Variants in SLC4A8 observed in about 807,000 individuals in gnomAD.
SLC4A8 encodes solute carrier family 4 member 8.
SLC4A8 carries 40 observed loss-of-function variants against 125.0 expected under a neutral mutation model. That is an observed-to-expected ratio of 0.32 (90% CI 0.25 to 0.42). The LOEUF (loss-of-function observed/expected upper bound fraction) is 0.42, where lower values mean the gene tolerates loss of function less well. Ranked by LOEUF, SLC4A8 falls within the 10% of genes least tolerant of loss-of-function variation. The pLI is 1.00. For synonymous variants in SLC4A8, 456 were observed against 476.0 expected, an observed-to-expected ratio of 0.96 and a Z score of 0.55; for missense variants, 863 against 1,355.1, an observed-to-expected ratio of 0.64 and a Z score of 5.70.
intron 1 of SLC4A8, among the ~76,000 whole-genome samples, chr12:51,404,624 A>T (rs537279129): frequency 6.6e-6 from 1 of 152,168 alleles, no homozygotes; most frequent in Non-Finnish European, 1.5e-5. Context: ...TAGGGTGGCT[A>T]GTGATCATCT....
chr12:51,488,871 G>T lies in SLC4A8; in HGVS notation c.2448+11G>T. On this transcript the variant is annotated intron_variant, in intron 18 of 24. Transcript: ENST00000453097. Reference sequence around the variant, plus strand: ...GAACATAAGCTCAAGGTAAAAAGAGGTTCTGACCTAGAAGGCTGCTGTGGC... The same window carrying T: ...GAACATAAGCTCAAGGTAAAAAGAGTTTCTGACCTAGAAGGCTGCTGTGGC... The T allele has an allele frequency of 6.2e-7, 1 of 1,607,646 alleles. No individual in the cohort carries two copies. The highest frequency in any genetic ancestry group is 8.5e-7 in the Non-Finnish European group (1 of 1,176,114).
Position 51,462,402 on chromosome 12 carries a change from A to G in SLC4A8, c.1194A>G (p.Pro398=), listed in dbSNP as rs991185975. Reference sequence around the variant, plus strand: ...TAGACCAGGTGACGGTGCTCCCTCCAGGAGAGTGGGATCCCTCCATTAGAA... The same window carrying G: ...TAGACCAGGTGACGGTGCTCCCTCCGGGAGAGTGGGATCCCTCCATTAGAA... ...EFLDQVTVLP[P]GEWDPSIRIE... is the part of the protein sequence containing the mutation. Residue 398 remains proline (P), a synonymous_variant, in exon 10 of 25, where the codon CCA becomes CCG. Transcript: ENST00000453097. 7.5e-6 allele frequency: 12 copies of G among 1,607,232 alleles called. No individual in the cohort carries two copies. The highest frequency in any genetic ancestry group is 1.0e-5 in the Non-Finnish European group (12 of 1,177,984).
chr12:51,430,253 A>G (rs1485882606), intron 1 of SLC4A8, among the ~76,000 whole-genome samples: 1 of 152,062 alleles, frequency 6.6e-6, no homozygotes. Flanking sequence ...AAGCTCTAAG[A>G]CAAGAGTTCT....
intron 2 of SLC4A8, among the ~76,000 whole-genome samples, chr12:51,442,806 G>A (rs1309879664): frequency 6.6e-6 from 1 of 152,174 alleles, no homozygotes; most frequent in Non-Finnish European, 1.5e-5. Flanking sequence ...GGTTGGCTGT[G>A]CTGTGGGTTC....
chr12:51,395,503 T>C, intron 1 of SLC4A8, among the ~76,000 whole-genome samples: 1 of 152,168 alleles, frequency 6.6e-6, no homozygotes, highest in Non-Finnish European at 1.5e-5. Context: ...CAAAGGCAGC[T>C]CTGTGAGGCC....
intron 17 of SLC4A8, 70 bp from the exon 18 acceptor site, chr12:51,488,629 A>T: frequency 9.1e-7 from 1 of 1,093,438 alleles, no homozygotes; most frequent in Non-Finnish European, 1.3e-6. Flanking sequence ...GGATATTGTG[A>T]TCCAGTTTGA....
intron 1 of SLC4A8, among the ~76,000 whole-genome samples, chr12:51,407,218 A>G (rs1269598762): frequency 1.3e-5 from 2 of 151,986 alleles, no homozygotes; most frequent in African/African-American, 4.8e-5. Flanking sequence ...TACCACTAAT[A>G]CTGTTGCATT....
At chr12:51,395,574 A>C (rs975161165) in intron 1 of SLC4A8, among the ~76,000 whole-genome samples, 1 of 152,150 alleles carries the variant, frequency 6.6e-6, no homozygotes, top group African/African-American at 2.4e-5. Context: ...TGGTGAGGGG[A>C]TACCCACCTC....
intron 1 of SLC4A8, among the ~76,000 whole-genome samples, chr12:51,406,158 G>A (rs1008490736): frequency 3.3e-5 from 5 of 152,218 alleles, no homozygotes; most frequent in East Asian, 1.9e-4. Context: ...TTACTTCTGC[G>A]TAAGTGGGGT....
intron 18 of SLC4A8, 96 bp from the exon 19 acceptor site, chr12:51,489,604 C>G (rs1019470562): frequency 8.7e-6 from 13 of 1,489,192 alleles, no homozygotes; most frequent in Non-Finnish European, 1.1e-5. Flanking sequence ...TATCCATACA[C>G]CCCTTCATGC....
intron 1 of SLC4A8, among the ~76,000 whole-genome samples, chr12:51,402,641 G>C (rs1948413299): frequency 1.3e-5 from 2 of 152,118 alleles, no homozygotes; most frequent in Admixed American, 6.6e-5. Flanking sequence ...AGAATCTTTT[G>C]AACCTGGGAG....
chr12:51,490,858 A>G (rs77551447), intron 19 of SLC4A8, among the ~76,000 whole-genome samples: 2,152 of 152,254 alleles, frequency 0.014, 55 homozygotes, highest in African/African-American at 0.049. Flanking sequence ...GTTTAAAAAG[A>G]TCACTCTGGC....
chr12:51,461,994 A>T (rs983120785), intron 9 of SLC4A8: 14 of 204,878 alleles, frequency 6.8e-5, no homozygotes, highest in African/African-American at 2.4e-4. Flanking sequence ...GCTGATTAAA[A>T]TTTTTTTTTT....
In SLC4A8 at chr12:51,497,091, G is replaced by A. The variant is rs1455661543; in HGVS notation, c.3048G>A (p.Leu1016=). 1.9e-6 allele frequency: 3 copies of A among 1,613,416 alleles called. No individual in the cohort carries two copies. Among genetic ancestry groups the A allele is most frequent in the Non-Finnish European group, 2.5e-6 (3 of 1,179,876 alleles). ...TGCCTGAAAGCAAAAAGAAGAAGTT[G>A]GATGATGCCAAAAAGAAGGCCAAGG... ...DLMPESKKKK[L]DDAKKKAKEE... Residue 1016 remains leucine, a synonymous_variant, in exon 22 of 25, where the codon TTG becomes TTA. Coordinates refer to ENST00000453097, the MANE Select transcript of SLC4A8 (RefSeq NM_001039960.3).
Position 51,417,101 on chromosome 12 carries a change from C to CA in SLC4A8, c.-111-23596dup, listed in dbSNP as rs36051030. On this transcript the variant is annotated intron_variant, in intron 1 of 24. Transcript: ENST00000358657. ...GACGACAGAGTGAGACCCCCTGTCT[C>CA]AAAAAAAAAAAGAGAAAGAATTGTC... Among the ~76,000 whole-genome samples, 156 of 143,470 alleles carry CA rather than the reference C, an allele frequency of 1.1e-3. 1 individual carries two copies. Among genetic ancestry groups the CA allele is most frequent in the African/African-American group, 2.8e-3 (108 of 39,252 alleles). 94.1% of individuals were successfully genotyped at this position (143,470 alleles called of 152,430 possible).
chr12:51,401,876 C>G (rs547980119), intron 1 of SLC4A8, among the ~76,000 whole-genome samples: 23 of 152,282 alleles, frequency 1.5e-4, no homozygotes, highest in Admixed American at 2.6e-4. Context: ...GCAATCCTCC[C>G]ACCTCAGCCC....
At chr12:51,405,688 G>A (rs949325436) in intron 1 of SLC4A8, among the ~76,000 whole-genome samples, 1 of 152,196 alleles carries the variant, frequency 6.6e-6, no homozygotes, top group Non-Finnish European at 1.5e-5. Flanking sequence ...GAGCTACCAT[G>A]CCTGCAGGGC....
chr12:51,392,471 G>A (rs1948144448), intron 1 of SLC4A8, among the ~76,000 whole-genome samples: 1 of 151,166 alleles, frequency 6.6e-6, no homozygotes, highest in Non-Finnish European at 1.5e-5. Flanking sequence ...TACTCGGGAG[G>A]CTGAGGCCGG....
chr12:51,433,526 A>G lies in SLC4A8; in HGVS notation c.49-7182A>G, dbSNP rs1949263669. On this transcript the variant is annotated intron_variant, in intron 1 of 24. Coordinates refer to ENST00000453097, the MANE Select transcript of SLC4A8 (RefSeq NM_001039960.3). ...AAGTTATGGACCCTCTCCCAAGAAAAGTGCACATTCACACATATTCCCACA... is the reference window on the plus strand; with the variant it reads ...AAGTTATGGACCCTCTCCCAAGAAAGGTGCACATTCACACATATTCCCACA... 2.0e-5 allele frequency among the ~76,000 whole-genome samples: 3 copies of G among 152,286 alleles called. 1 individual carries two copies. The highest frequency in any genetic ancestry group is 6.8e-3 in the Middle Eastern group (2 of 294).
Sources: gnomAD v4.1 joint callset for allele counts (sites outside exome capture counted in the v4.1 genomes callset) on GRCh38, gnomAD v4.1.1 for gene constraint, MANE v1.5 for transcripts, NCBI Gene and HGNC (gene_info 2026-07-23, HGNC 2026-07-21) for gene names.